Variants in DENND2C observed in about 807,000 individuals in gnomAD.
DENND2C encodes the protein DENN domain containing 2C.
Under a neutral mutation model 112.4 loss-of-function variants are expected in DENND2C, and 72 were observed. That is an observed-to-expected ratio of 0.64 (90% CI 0.53 to 0.78). The LOEUF is 0.78. DENND2C is among the 30% of genes least tolerant of loss of function. The pLI is 0.00. For synonymous variants in DENND2C, 329 were observed against 381.6 expected, an observed-to-expected ratio of 0.86 and a Z score of 1.61; for missense variants, 992 against 1,113.8, an observed-to-expected ratio of 0.89 and a Z score of 1.56.
At chr1:114,605,750 C>T (rs938706294) in intron 10 of DENND2C, among the ~76,000 whole-genome samples, 2 of 152,156 alleles carry the variant, frequency 1.3e-5, no homozygotes, top group East Asian at 1.9e-4. Flanking sequence ...GGCATGATTG[C>T]GCCTTGTACT....
At chr1:114,592,674 C>T (rs979514271) in intron 18 of DENND2C, among the ~76,000 whole-genome samples, 3 of 152,044 alleles carry the variant, frequency 2.0e-5, no homozygotes, top group African/African-American at 4.8e-5. Context: ...GAGCTATGAT[C>T]GCACCACTGC....
chr1:114,642,045 C>T (rs1468911777), intron 3 of DENND2C, among the ~76,000 whole-genome samples: 5 of 151,998 alleles, frequency 3.3e-5, no homozygotes, highest in African/African-American at 9.7e-5. Flanking sequence ...CTCTGCCTCC[C>T]GGTTCAAGTG....
intron 1 of DENND2C, among the ~76,000 whole-genome samples, chr1:114,662,137 A>G (rs953054942): frequency 4.6e-5 from 7 of 152,198 alleles, no homozygotes; most frequent in Non-Finnish European, 8.8e-5. Flanking sequence ...AGCCTATGTC[A>G]TTTCCTCACA....
At chr1:114,623,182 T>TG in intron 5 of DENND2C, 83 bp from the exon 6 acceptor site, 3 of 1,311,768 alleles carry the variant, frequency 2.3e-6, no homozygotes, top group Non-Finnish European at 3.1e-6. Flanking sequence ...AAGAAAAAGC[T>TG]AACTATGTTC....
In DENND2C at chr1:114,585,081, ATGG is replaced by A. The variant is rs1414461054; in HGVS notation, c.*516_*518del. ...CCTAGATATAATATAAGGCAAAACA[ATGG>A]AGATATGTGATGAGTCTATTCCTTA... On this transcript the variant is annotated 3_prime_UTR_variant, in exon 21 of 21. Coordinates refer to ENST00000393274, the MANE Select transcript of DENND2C (RefSeq NM_001256404.2). 12 of 152,696 alleles carry A rather than the reference ATGG, an allele frequency of 7.9e-5. No homozygotes were observed. The highest frequency in any genetic ancestry group is 2.9e-4 in the African/African-American group (12 of 41,446). 9.5% of individuals were successfully genotyped at this position (152,696 alleles called of 1,614,324 possible). A position where few individuals can be genotyped will look rare whatever the true frequency, so the allele number is the denominator to read the frequency against.
intron 8 of DENND2C, 98 bp from the exon 9 acceptor site, chr1:114,611,215 A>G: frequency 7.5e-7 from 1 of 1,341,118 alleles, no homozygotes; most frequent in African/African-American, 1.4e-5. Flanking sequence ...GACTTGGAGT[A>G]AGGAATAATA....
chr1:114,596,563 T>G (rs1467830453), intron 16 of DENND2C, among the ~76,000 whole-genome samples: 1 of 152,124 alleles, frequency 6.6e-6, no homozygotes, highest in African/African-American at 2.4e-5. Flanking sequence ...TTATAGAGAT[T>G]CACATTGTAA....
At chr1:114,609,578 T>C (rs1165977488) in intron 9 of DENND2C, among the ~76,000 whole-genome samples, 1 of 152,226 alleles carries the variant, frequency 6.6e-6, no homozygotes. Context: ...ATAGCATCTA[T>C]CCTCTATTCT....
chr1:114,637,102 A>C (rs1656677585), intron 3 of DENND2C, among the ~76,000 whole-genome samples: 2 of 34,678 alleles, frequency 5.8e-5, no homozygotes, highest in Admixed American at 4.2e-4. Context: ...CAAAACAAAA[A>C]TACAAAAAAA....
chr1:114,656,174 T>A (rs556573532), intron 1 of DENND2C, among the ~76,000 whole-genome samples: 1 of 151,894 alleles, frequency 6.6e-6, no homozygotes, highest in South Asian at 2.1e-4. Flanking sequence ...CTTAAAGTGA[T>A]CCTCCCACCT....
intron 3 of DENND2C, among the ~76,000 whole-genome samples, chr1:114,630,103 A>G (rs1275264546): frequency 6.6e-6 from 1 of 152,004 alleles, no homozygotes; most frequent in Non-Finnish European, 1.5e-5. Context: ...TCATGAGGTC[A>G]AGAGATTGAG....
chr1:114,608,014 C>T (rs1241799599), intron 10 of DENND2C, among the ~76,000 whole-genome samples: 1 of 152,202 alleles, frequency 6.6e-6, no homozygotes, highest in African/African-American at 2.4e-5. Flanking sequence ...TGGTGGCTCA[C>T]GCCTGTAATC....
intron 2 of DENND2C, among the ~76,000 whole-genome samples, chr1:114,649,575 G>A (rs1359017422): frequency 6.6e-6 from 1 of 151,886 alleles, no homozygotes; most frequent in South Asian, 2.1e-4. Flanking sequence ...ACAGGGTCTC[G>A]CTGTGTTGCC....
intron 2 of DENND2C, among the ~76,000 whole-genome samples, chr1:114,649,484 C>T (rs1405960860): frequency 1.3e-5 from 2 of 152,118 alleles, no homozygotes; most frequent in Non-Finnish European, 2.9e-5. Flanking sequence ...AAGCAATTCT[C>T]CTGCCTCTGC....
intron 1 of DENND2C, among the ~76,000 whole-genome samples, chr1:114,668,760 GA>G (rs1316901938): frequency 6.6e-6 from 1 of 152,052 alleles, no homozygotes; most frequent in African/African-American, 2.4e-5. Context: ...AAGGCTGTAT[GA>G]AAAAATATGG....
At chr1:114,663,422 C>T (rs554846096) in intron 1 of DENND2C, among the ~76,000 whole-genome samples, 43 of 152,242 alleles carry the variant, frequency 2.8e-4, no homozygotes, top group Non-Finnish European at 5.6e-4. Flanking sequence ...AGTTCCAAAC[C>T]AGTAAAGGGA....
At chr1:114,600,009 C>T (rs956510334) in intron 15 of DENND2C, among the ~76,000 whole-genome samples, 195 bp downstream of exon 15, 1 of 152,018 alleles carries the variant, frequency 6.6e-6, no homozygotes, top group Non-Finnish European at 1.5e-5. Context: ...AGGAGAAATA[C>T]CTAATGTAAA....
chr1:114,640,143 G>A (rs898909057), intron 3 of DENND2C, among the ~76,000 whole-genome samples: 1 of 152,026 alleles, frequency 6.6e-6, no homozygotes, highest in African/African-American at 2.4e-5. Flanking sequence ...CAATTTCAAC[G>A]ATTTACACCA....
chr1:114,662,860 T>C lies in DENND2C; in HGVS notation c.-574+7123A>G, dbSNP rs185931485. ...CTGTAATGCGAGCTAACTGGGAGGC[T>C]GAGGTGGAGGGATCGTGTGAGCCCA... On this transcript the variant is annotated intron_variant, in intron 1 of 20. Coordinates refer to ENST00000393274, the MANE Select transcript of DENND2C (RefSeq NM_001256404.2). 5.5e-4 allele frequency among the ~76,000 whole-genome samples: 83 copies of C among 152,122 alleles called. No individual in the cohort carries two copies. In the East Asian group the frequency reaches 0.013, roughly 23 times the overall value.
Sources: gnomAD v4.1 joint callset for allele counts (sites outside exome capture counted in the v4.1 genomes callset) on GRCh38, gnomAD v4.1.1 for gene constraint, MANE v1.5 for transcripts, NCBI Gene and HGNC (gene_info 2026-07-23, HGNC 2026-07-21) for gene names.